KDM6A: variants seen among roughly 807,000 people sequenced by gnomAD.
KDM6A encodes lysine demethylase 6A, also known as lysine-specific demethylase 6A.
Under a neutral mutation model 117.6 loss-of-function variants are expected in KDM6A, and 11 were observed. That is an observed-to-expected ratio of 0.09 (90% CI 0.06 to 0.15). The LOEUF (loss-of-function observed/expected upper bound fraction) is 0.15, where lower values mean the gene tolerates loss of function less well. Among genes scored for constraint, KDM6A ranks in the 10% least tolerant of loss-of-function variants. KDM6A has a pLI of 1.00. For synonymous variants in KDM6A, 384 were observed against 396.1 expected, an observed-to-expected ratio of 0.97 and a Z score of 0.36; for missense variants, 799 against 1,077.3, an observed-to-expected ratio of 0.74 and a Z score of 3.62.
intron 4 of KDM6A, among the ~76,000 whole-genome samples, chrX:45,000,286 T>A (rs1264705582): frequency 8.9e-6 from 1 of 112,398 alleles, no homozygotes; most frequent in Non-Finnish European, 1.9e-5. Flanking sequence ...TTGACTTAAA[T>A]CCTGCAGCTA....
In KDM6A at chrX:44,921,020, G is replaced by C. The variant is rs763239603; in HGVS notation, c.226-40264G>C. ...CTCCCCAGTAGCTGGGACTACAGGCGTGCACCACCATGCTCAGCTAATTTT... is the reference window on the plus strand; with the variant it reads ...CTCCCCAGTAGCTGGGACTACAGGCCTGCACCACCATGCTCAGCTAATTTT... On this transcript the variant is annotated intron_variant, in intron 2 of 29. Coordinates refer to ENST00000611820, the MANE Select transcript of KDM6A (RefSeq NM_001291415.2). 3.7e-5 allele frequency among the ~76,000 whole-genome samples: 4 copies of C among 107,496 alleles called. No homozygotes were observed. In the South Asian group the frequency reaches 1.7e-3, roughly 45 times the overall value. The allele number at this position is 107,496 out of a possible 115,157, so 93.3% of individuals were successfully genotyped here.
chrX:45,031,262 A>T (rs914333274), intron 6 of KDM6A, among the ~76,000 whole-genome samples: 4 of 111,932 alleles, frequency 3.6e-5, no homozygotes, highest in African/African-American at 6.5e-5. Flanking sequence ...TTAAAATTTT[A>T]AAAATCCTAT....
intron 24 of KDM6A, among the ~76,000 whole-genome samples, chrX:45,084,185 AC>A (rs1409846729): frequency 1.8e-5 from 2 of 111,937 alleles, no homozygotes; most frequent in African/African-American, 6.5e-5. Context: ...TAGGCTTGTC[AC>A]TTTTGGCAAG....
chrX:44,974,058 A>G (rs1450977646), intron 3 of KDM6A, among the ~76,000 whole-genome samples: 1 of 110,766 alleles, frequency 9.0e-6, no homozygotes, highest in Non-Finnish European at 1.9e-5. Flanking sequence ...GGCTTTCTTT[A>G]GATGTCTGAT....
intron 2 of KDM6A, among the ~76,000 whole-genome samples, chrX:44,936,322 TA>T (rs1389536433): frequency 1.8e-5 from 2 of 111,209 alleles, no homozygotes; most frequent in African/African-American, 3.3e-5. Flanking sequence ...GATAAGGTAA[TA>T]TTTTTTTTTT....
chrX:44,983,179 A>G (rs1401763215), intron 4 of KDM6A, among the ~76,000 whole-genome samples: 4 of 111,748 alleles, frequency 3.6e-5, no homozygotes, highest in Non-Finnish European at 7.5e-5. Context: ...CTTAGAAATT[A>G]TTATCTAATT....
intron 6 of KDM6A, among the ~76,000 whole-genome samples, chrX:45,024,490 G>GC (rs1556176753): frequency 6.4e-4 from 69 of 108,387 alleles, no homozygotes; most frequent in Non-Finnish European, 1.1e-3. Context: ...GGGATTATTT[G>GC]TTTTTTTTTC....
chrX:44,963,904 A>G (rs1041877246), intron 3 of KDM6A, among the ~76,000 whole-genome samples: 11 of 109,003 alleles, frequency 1.0e-4, no homozygotes, highest in Non-Finnish European at 1.7e-4. Flanking sequence ...TTTTTAGTAG[A>G]GACAGGGTTT....
At chrX:45,023,826 T>C (rs759227960) in intron 6 of KDM6A, among the ~76,000 whole-genome samples, 60 of 110,517 alleles carry the variant, frequency 5.4e-4, no homozygotes, top group Admixed American at 1.5e-3. Flanking sequence ...CAAAGTCCAT[T>C]ATCTCATTCT....
At chrX:45,083,722 C>T (rs1386287310) in intron 24 of KDM6A, 114 bp downstream of exon 24, 1 of 693,412 alleles carries the variant, frequency 1.4e-6, no homozygotes. Context: ...GAGAGTTGTT[C>T]CTGTTATAAG....
At chrX:45,062,569 A>T (rs1177885243) in intron 15 of KDM6A, 78 bp from the exon 16 acceptor site, 1 of 733,757 alleles carries the variant, frequency 1.4e-6, no homozygotes, top group South Asian at 2.3e-5. Flanking sequence ...TAGTCATTTC[A>T]GGGAAAGGTT....
At chrX:45,061,102 G>C (rs1189449413) in intron 14 of KDM6A, among the ~76,000 whole-genome samples, 1 of 108,977 alleles carries the variant, frequency 9.2e-6, no homozygotes, top group Non-Finnish European at 1.9e-5. Context: ...TTTGAGGGTG[G>C]GCCTTTTTGG....
intron 4 of KDM6A, among the ~76,000 whole-genome samples, chrX:44,981,649 T>C (rs1280267838): frequency 8.9e-6 from 1 of 111,882 alleles, no homozygotes; most frequent in African/African-American, 3.2e-5. Flanking sequence ...AACGTTCTAA[T>C]CATGCTTTGC....
chrX:45,020,501 C>T, intron 5 of KDM6A, 109 bp from the exon 6 acceptor site: 2 of 855,340 alleles, frequency 2.3e-6, no homozygotes, highest in East Asian at 3.3e-5. Flanking sequence ...ATAAAACCAA[C>T]ATTTCCTTTA....
intron 4 of KDM6A, among the ~76,000 whole-genome samples, chrX:44,991,427 G>A (rs947586070): frequency 9.2e-6 from 1 of 108,903 alleles, no homozygotes; most frequent in African/African-American, 3.4e-5. Context: ...ATCTAGTTCA[G>A]GACCATAGGT....
At chrX:45,074,462 C>T (rs939747624) in intron 18 of KDM6A, among the ~76,000 whole-genome samples, 2 of 111,966 alleles carry the variant, frequency 1.8e-5, no homozygotes, top group African/African-American at 6.5e-5. Context: ...CTTATATTTG[C>T]TATGCAGAGC....
intron 2 of KDM6A, among the ~76,000 whole-genome samples, chrX:44,908,161 A>G (rs1339549308): frequency 9.0e-6 from 1 of 110,685 alleles, no homozygotes; most frequent in Non-Finnish European, 1.9e-5. Flanking sequence ...GCTGCTTGAA[A>G]GGGCTTTTGT....
chrX:44,927,202 G>A (rs1308242557), intron 2 of KDM6A, among the ~76,000 whole-genome samples: 1 of 110,593 alleles, frequency 9.0e-6, no homozygotes, highest in African/African-American at 3.3e-5. Flanking sequence ...ATAGTTTAGA[G>A]TCAAAAAAAT....
intron 6 of KDM6A, among the ~76,000 whole-genome samples, chrX:45,027,336 A>AACACACACACACACACACACACACAC (rs200245833): frequency 1.0e-5 from 1 of 98,137 alleles, no homozygotes; most frequent in African/African-American, 3.8e-5. Context: ...CATAGTGTGA[A>AACACACACACACACACACACACACAC]ACACACACAC....
Sources: gnomAD v4.1 joint callset for allele counts (sites outside exome capture counted in the v4.1 genomes callset) on GRCh38, gnomAD v4.1.1 for gene constraint, MANE v1.5 for transcripts, NCBI Gene and HGNC (gene_info 2026-07-23, HGNC 2026-07-21) for gene names.